Variants in FCER2 observed in about 807,000 individuals in gnomAD.
FCER2 encodes Fc epsilon receptor II.
FCER2 carries 38 observed loss-of-function variants against 49.7 expected under a neutral mutation model. The observed-to-expected ratio is 0.76, with a 90% CI of 0.59 to 1.00. The LOEUF (loss-of-function observed/expected upper bound fraction) is 1.00. FCER2 is among the 50% of genes least tolerant of loss of function. The pLI is 0.00. For missense variants in FCER2, 425 were observed against 419.5 expected, an observed-to-expected ratio of 1.01 and a Z score of -0.11; for synonymous variants, 163 against 164.6, an observed-to-expected ratio of 0.99 and a Z score of 0.07.
chr19:7,696,809 A>T lies in FCER2; in HGVS notation c.469+16T>A. On this transcript the variant is annotated intron_variant, in intron 8 of 10. Transcript: ENST00000597921. ...TGAGGTCACGCGTCGTCCTGAGCAG[A>T]GACTCACACACTCACCGCTGGACAC... The T allele has an allele frequency of 1.9e-6, 3 of 1,556,846 alleles. No homozygotes were observed. The highest frequency in any genetic ancestry group is 2.6e-6 in the Non-Finnish European group (3 of 1,146,922).
intron 8 of FCER2, among the ~76,000 whole-genome samples, chr19:7,693,482 T>C (rs556324454): frequency 3.3e-5 from 5 of 151,810 alleles, no homozygotes; most frequent in Non-Finnish European, 5.9e-5. Flanking sequence ...AGCAGTGGTG[T>C]GCACCTGTAA....
chr19:7,696,671 C>T (rs956454829), intron 8 of FCER2, 154 bp downstream of exon 8: 15 of 629,296 alleles, frequency 2.4e-5, no homozygotes, highest in Admixed American at 2.0e-4. Flanking sequence ...CCCCACCCTG[C>T]GCTTATATCT....
intron 8 of FCER2, among the ~76,000 whole-genome samples, chr19:7,695,698 C>T (rs1782351287): frequency 1.3e-5 from 2 of 152,128 alleles, no homozygotes; most frequent in Non-Finnish European, 2.9e-5. Flanking sequence ...GGAATGATCG[C>T]TGGAGTCCAG....
intron 8 of FCER2, among the ~76,000 whole-genome samples, chr19:7,695,035 T>G (rs1276200820): frequency 6.6e-6 from 1 of 152,078 alleles, no homozygotes; most frequent in Non-Finnish European, 1.5e-5. Context: ...AGGATCTTGC[T>G]GTGTTGCCTA....
Position 7,690,510 on chromosome 19 carries a change from TC to T in FCER2, c.516del (p.Lys173SerfsTer38), listed in dbSNP as rs1442195038. On this transcript the variant is annotated frameshift_variant, in exon 9 of 11. Coordinates refer to ENST00000597921, the MANE Select transcript of FCER2 (RefSeq NM_001220500.2). LOFTEE classifies it high-confidence loss of function. ...GTGCCCTTGCCGAAGTAGTAGCACT[TC>T]CGTTGGAAATTGATCCACTTTTCAG... Reference protein sequence around the residue: ...TCPEKWINFQRKCYYFGKGTK... With the variant: ...TCPEKWINFQXKCYYFGKGTK... 2 of 1,613,964 alleles carry T rather than the reference TC, an allele frequency of 1.2e-6. No individual in the cohort carries two copies. The highest frequency in any genetic ancestry group is 2.2e-5 in the East Asian group (1 of 44,890).
intron 8 of FCER2, among the ~76,000 whole-genome samples, chr19:7,691,348 C>T (rs540395054): frequency 1.3e-4 from 20 of 152,272 alleles, no homozygotes; most frequent in East Asian, 7.7e-4. Flanking sequence ...ACCACATCAC[C>T]GGCTCCACAG....
chr19:7,697,345 TC>T, intron 5 of FCER2, 47 bp from the exon 6 acceptor site: 1 of 1,587,700 alleles, frequency 6.3e-7, no homozygotes, highest in Non-Finnish European at 8.6e-7. Flanking sequence ...CCTCATTGTC[TC>T]CCCCATCTAC....
intron 8 of FCER2, among the ~76,000 whole-genome samples, chr19:7,692,879 T>C (rs1893811492): frequency 6.6e-6 from 1 of 151,462 alleles, no homozygotes. Flanking sequence ...TCATATCCAA[T>C]AACACTTCAA....
chr19:7,694,827 C>T (rs75497226), intron 8 of FCER2, among the ~76,000 whole-genome samples: 3,800 of 138,892 alleles, frequency 0.027, 81 homozygotes, highest in Non-Finnish European at 0.038. Context: ...CCAGTTCCTA[C>T]CGTACAGTAA....
At chr19:7,693,377 G>A (rs12973524) in intron 8 of FCER2, among the ~76,000 whole-genome samples, 74,135 of 149,280 alleles carry the variant, frequency 0.5, 18,441 homozygotes, top group Middle Eastern at 0.53. Context: ...CCCCACCGCA[G>A]TGAAACTCCC....
At chr19:7,698,990 G>A in intron 2 of FCER2, 136 bp from the exon 3 acceptor site, 2 of 871,808 alleles carry the variant, frequency 2.3e-6, no homozygotes, top group Non-Finnish European at 3.6e-6. Flanking sequence ...GGTCTCAGTG[G>A]ACCCCCAGCT....
intron 8 of FCER2, among the ~76,000 whole-genome samples, chr19:7,694,817 C>T (rs1293523439): frequency 1.4e-5 from 2 of 148,000 alleles, no homozygotes; most frequent in African/African-American, 5.2e-5. Flanking sequence ...CTGTAAAACC[C>T]CAGTTCCTAC....
chr19:7,697,680 A>G (rs2033054658), intron 4 of FCER2, 91 bp from the exon 5 acceptor site: 1 of 998,024 alleles, frequency 1.0e-6, no homozygotes, highest in Non-Finnish European at 1.6e-6. Flanking sequence ...ACCCTCTCAC[A>G]TAGTCACAAC....
intron 6 of FCER2, 58 bp downstream of exon 6, chr19:7,697,178 G>A: frequency 6.2e-7 from 1 of 1,608,120 alleles, no homozygotes; most frequent in Non-Finnish European, 8.5e-7. Flanking sequence ...CCAGGGCTCT[G>A]AGACACTCCC....
chr19:7,690,465 G>A lies in FCER2; in HGVS notation c.562C>T (p.Arg188Trp), dbSNP rs748919449. The change falls in exon 9 of 11, where the codon CGG becomes TGG. Residue 188 changes from arginine to tryptophan, a missense_variant. Coordinates refer to ENST00000597921, the MANE Select transcript of FCER2 (RefSeq NM_001220500.2). ...CCTTCCATGTCGTCACAGGCATACC[G>A]GGCGTGGACCCACTGCTTGGTGCCC... ...GKGTKQWVHA[R>W]YACDDMEGQL... is the part of the protein sequence containing the mutation. 49 of 1,613,984 alleles carry A rather than the reference G, an allele frequency of 3.0e-5. No individual in the cohort carries two copies. The highest frequency in any genetic ancestry group is 3.6e-5 in the Non-Finnish European group (43 of 1,179,978).
chr19:7,701,983 C>T (rs749572353), intron 1 of FCER2, 32 bp downstream of exon 1: 2 of 151,880 alleles, frequency 1.3e-5, no homozygotes, highest in Non-Finnish European at 2.9e-5. Context: ...CTCCACTTCC[C>T]ATGGCCAACC....
intron 4 of FCER2, 110 bp downstream of exon 4, chr19:7,698,246 T>C (rs994705495): frequency 1.3e-6 from 1 of 797,150 alleles, no homozygotes. Flanking sequence ...AGCAACTTAG[T>C]TTGACCTTCA....
rs2033050308 is a variant in FCER2, at chr19:7,697,564, T to G, written c.216A>C (p.Glu72Asp). 1.2e-6 allele frequency: 2 copies of G among 1,614,098 alleles called. No homozygotes were observed. The highest frequency in any genetic ancestry group is 1.7e-6 in the Non-Finnish European group (2 of 1,179,998). The change falls in exon 5 of 11, where the codon GAA becomes GAC. Residue 72 changes from glutamate to aspartate, a missense_variant. Physicochemically the swap from Glu to Asp is conservative, Grantham distance 45. Coordinates refer to ENST00000597921, the MANE Select transcript of FCER2 (RefSeq NM_001220500.2). ...GCGCCATCTGGTCACCGTGGTGGCT[T>G]TCCAAGTTCTTGGAAACTTGAGAGA... ...RNVSQVSKNL[E>D]SHHGDQMAQK...
At chr19:7,696,753 G>A (rs185978495) in intron 8 of FCER2, 72 bp downstream of exon 8, 118 of 1,132,490 alleles carry the variant, frequency 1.0e-4, no homozygotes, top group Non-Finnish European at 1.3e-4. Context: ...CGTGCGTGCC[G>A]TCACATTTGC....
Sources: gnomAD v4.1 joint callset for allele counts (sites outside exome capture counted in the v4.1 genomes callset) on GRCh38, gnomAD v4.1.1 for gene constraint, MANE v1.5 for transcripts, NCBI Gene and HGNC (gene_info 2026-07-23, HGNC 2026-07-21) for gene names.